The following DDX46 variants were observed in gnomAD, a reference collection of about 807,000 sequenced individuals.
The protein encoded by DDX46 is DEAD-box helicase 46.
In DDX46, 30 loss-of-function variants were observed where a neutral mutation model predicts 134.9. The observed-to-expected ratio is 0.22, with a 90% CI of 0.17 to 0.30. The LOEUF is 0.30. Among genes scored for constraint, DDX46 ranks in the 10% least tolerant of loss-of-function variants. The pLI is 1.00. For missense variants in DDX46, 622 were observed against 1,248.7 expected, an observed-to-expected ratio of 0.50 and a Z score of 7.56; for synonymous variants, 415 against 404.1, an observed-to-expected ratio of 1.03 and a Z score of -0.32.
chr5:134,760,221 A>C (rs543277228), intron 1 of DDX46, among the ~76,000 whole-genome samples: 1 of 152,186 alleles, frequency 6.6e-6, no homozygotes, highest in South Asian at 2.1e-4. Flanking sequence ...ACAGCCTTCA[A>C]GGCCCTTCAC....
chr5:134,774,935 T>A (rs1263710682), intron 5 of DDX46, among the ~76,000 whole-genome samples: 1 of 152,100 alleles, frequency 6.6e-6, no homozygotes, highest in African/African-American at 2.4e-5. Flanking sequence ...CAAGCTATTC[T>A]CTTGCGCCTC....
chr5:134,816,405 A>T, intron 18 of DDX46, 25 bp from the exon 19 acceptor site: 1 of 1,557,368 alleles, frequency 6.4e-7, no homozygotes, highest in Non-Finnish European at 8.7e-7. Flanking sequence ...GTTTTTTACT[A>T]GTCCTTTTTT....
intron 9 of DDX46, 90 bp downstream of exon 9, chr5:134,783,155 T>C (rs566664503): frequency 6.7e-7 from 1 of 1,488,918 alleles, no homozygotes; most frequent in South Asian, 1.3e-5. Flanking sequence ...ACATTTTTAC[T>C]CTAAAAAAAC....
chr5:134,779,460 C>T, intron 6 of DDX46, among the ~76,000 whole-genome samples: 1 of 152,228 alleles, frequency 6.6e-6, no homozygotes, highest in Non-Finnish European at 1.5e-5. Context: ...TCCCAAAGTG[C>T]TGGGATTACA....
At position 134,829,609 on chromosome 5, in the gene DDX46, G is replaced by A. The variant is rs1755681680; in HGVS notation, c.*903G>A. On this transcript the variant is annotated 3_prime_UTR_variant, in exon 23 of 23. Transcript: ENST00000452510. ...AATTGTAAAACATAATGGTACCCAA[G>A]TTTTAAACTTAGATGTGCTTCATCT... 1 of 152,142 alleles carries A rather than the reference G, an allele frequency of 6.6e-6. No individual in the cohort carries two copies. Among genetic ancestry groups the A allele is most frequent in the Non-Finnish European group, 1.5e-5 (1 of 68,024 alleles). The allele number at this position is 152,142 out of a possible 1,614,324, so 9.4% of individuals were successfully genotyped here.
At chr5:134,775,891 G>T (rs1047351730) in intron 5 of DDX46, among the ~76,000 whole-genome samples, 16 of 152,118 alleles carry the variant, frequency 1.1e-4, no homozygotes, top group Admixed American at 3.3e-4. Flanking sequence ...GAAAAATACA[G>T]TTGACCCTTG....
rs917285382 is a variant in DDX46 at position 134,827,460 on chromosome 5, A to T, written c.3051+440A>T. Among the ~76,000 whole-genome samples, 9 of 152,074 alleles carry T rather than the reference A, an allele frequency of 5.9e-5. No individual in the cohort carries two copies. The East Asian group carries it at 1.7e-3, about 29-fold the overall frequency. On this transcript the variant is annotated intron_variant, in intron 22 of 22. Transcript: ENST00000452510. ...TGGCTAATTTTTGTATTTTTAGTAG[A>T]GATGGTGTTTCACTGTGTTGGCAAG...
chr5:134,780,136 G>GTGTGTA (rs1305740806), intron 6 of DDX46, among the ~76,000 whole-genome samples: 72 of 147,388 alleles, frequency 4.9e-4, no homozygotes, highest in Middle Eastern at 3.5e-3. Flanking sequence ...GTGTGTGTGT[G>GTGTGTA]TGTATATGTA....
intron 15 of DDX46, among the ~76,000 whole-genome samples, chr5:134,796,578 C>T (rs1004681778): frequency 3.9e-5 from 6 of 152,156 alleles, no homozygotes; most frequent in African/African-American, 1.4e-4. Context: ...ACAGACCGGG[C>T]ATGGTAGCTC....
intron 4 of DDX46, among the ~76,000 whole-genome samples, chr5:134,771,927 A>AG (rs1205886929): frequency 6.6e-6 from 1 of 152,164 alleles, no homozygotes; most frequent in African/African-American, 2.4e-5. Flanking sequence ...CTTCCAAAAA[A>AG]TTTGTATAAA....
At chr5:134,787,866 G>A (rs1056214817) in intron 11 of DDX46, among the ~76,000 whole-genome samples, 24 of 150,202 alleles carry the variant, frequency 1.6e-4, no homozygotes, top group Non-Finnish European at 3.0e-4. Context: ...ATAAATTAGC[G>A]AGTGCCTGTA....
chr5:134,763,550 G>T (rs1228097120), intron 1 of DDX46, among the ~76,000 whole-genome samples: 1 of 152,102 alleles, frequency 6.6e-6, no homozygotes, highest in Non-Finnish European at 1.5e-5. Context: ...CCAAGCCTCT[G>T]TAACAAATGT....
rs374562980 is a variant in DDX46 at position 134,815,706 on chromosome 5, C to CAAAAA, written c.2437-702_2437-698dup. 9.3e-3 allele frequency among the ~76,000 whole-genome samples: 266 copies of CAAAAA among 28,696 alleles called. 31 individuals are homozygous for CAAAAA. The highest frequency in any genetic ancestry group is 0.025 in the African/African-American group (241 of 9,720). 18.8% of individuals were successfully genotyped at this position (28,696 alleles called of 152,430 possible). Reference sequence around the variant, plus strand: ...TGGGAGACAGAGCGAGACTCTGTCTCAAAAAAAAAAAAAAAAAAAAAAAAA... The same window carrying CAAAAA: ...TGGGAGACAGAGCGAGACTCTGTCTCAAAAAAAAAAAAAAAAAAAAAAAAAAAAAA... On this transcript the variant is annotated intron_variant, in intron 18 of 22. Coordinates refer to ENST00000452510, the MANE Select transcript of DDX46 (RefSeq NM_001300860.2).
At chr5:134,794,230 T>C (rs1259055869) in intron 13 of DDX46, among the ~76,000 whole-genome samples, 1 of 152,188 alleles carries the variant, frequency 6.6e-6, no homozygotes, top group Non-Finnish European at 1.5e-5. Flanking sequence ...CAGAAACATG[T>C]GTACGCCTGC....
intron 12 of DDX46, chr5:134,789,083 A>T (rs1214719257): frequency 1.3e-5 from 2 of 152,202 alleles, no homozygotes; most frequent in Non-Finnish European, 2.9e-5. Flanking sequence ...ATAAATTAAG[A>T]TATTGCAGCT....
intron 3 of DDX46, among the ~76,000 whole-genome samples, chr5:134,769,900 A>G (rs1280589510): frequency 6.6e-6 from 1 of 152,098 alleles, no homozygotes; most frequent in Admixed American, 6.6e-5. Context: ...TGACCTCGTG[A>G]TCTGCCTGCC....
intron 12 of DDX46, among the ~76,000 whole-genome samples, chr5:134,789,849 T>C (rs567274963): frequency 4.3e-4 from 66 of 152,312 alleles, no homozygotes; most frequent in African/African-American, 1.4e-3. Flanking sequence ...TTAATAAAAT[T>C]GGGATTTATA....
chr5:134,810,439 A>C (rs1260156556), intron 16 of DDX46, among the ~76,000 whole-genome samples: 1 of 151,550 alleles, frequency 6.6e-6, no homozygotes, highest in Non-Finnish European at 1.5e-5. Flanking sequence ...TCCCAGGATC[A>C]AGTGATTCTC....
chr5:134,810,594 T>A (rs1029736497), intron 16 of DDX46, among the ~76,000 whole-genome samples: 10 of 151,584 alleles, frequency 6.6e-5, no homozygotes, highest in Non-Finnish European at 1.5e-4. Context: ...CCACCCCCCC[T>A]TGGCCTCCCA....
Sources: gnomAD v4.1 joint callset for allele counts (sites outside exome capture counted in the v4.1 genomes callset) on GRCh38, gnomAD v4.1.1 for gene constraint, MANE v1.5 for transcripts, NCBI Gene and HGNC (gene_info 2026-07-23, HGNC 2026-07-21) for gene names.